NHERF1: variants seen among roughly 807,000 people sequenced by gnomAD.
NHERF1 encodes NHERF family PDZ scaffold protein 1, also known as Na(+)/H(+) exchange regulatory cofactor NHE-RF1.
the NHERF1 span, among the ~76,000 whole-genome samples, chr17:74,759,767 T>G: frequency 3.9e-5 from 6 of 152,354 alleles, no homozygotes; most frequent in African/African-American, 1.4e-4. Flanking sequence ...TGCCCCATTC[T>G]GGACTTGGAT....
At chr17:74,753,034 T>C in the NHERF1 span, among the ~76,000 whole-genome samples, 9 of 152,342 alleles carry the variant, frequency 5.9e-5, no homozygotes, top group South Asian at 6.2e-4. Flanking sequence ...CTACCCACTC[T>C]TCTTTCTTGC....
the NHERF1 span, among the ~76,000 whole-genome samples, chr17:74,750,702 C>G: frequency 1.3e-5 from 2 of 151,706 alleles, no homozygotes; most frequent in East Asian, 1.9e-4. Context: ...TGTGCTGAGT[C>G]CATCGATCGA....
chr17:74,751,815 C>T, the NHERF1 span, among the ~76,000 whole-genome samples: 1 of 152,368 alleles, frequency 6.6e-6, no homozygotes, highest in South Asian at 2.1e-4. This position sits in a 1 kb window ranked among gnomAD's most constrained non-coding sequence, Gnocchi z 4.3. Context: ...GCCGAGCCAG[C>T]TCAGCTGTAC....
the NHERF1 span, chr17:74,763,612 G>A: frequency 7.4e-7 from 1 of 1,344,976 alleles, no homozygotes. Context: ...TCCCAGGCGA[G>A]GGGTGGGCAG....
the NHERF1 span, among the ~76,000 whole-genome samples, chr17:74,752,911 G>A: frequency 6.6e-6 from 1 of 152,234 alleles, no homozygotes; most frequent in Admixed American, 6.5e-5. Flanking sequence ...ATGGTAGGGA[G>A]GCTCTCAAAA....
At chr17:74,765,281 G>A in the NHERF1 span, among the ~76,000 whole-genome samples, 1 of 151,736 alleles carries the variant, frequency 6.6e-6, no homozygotes, top group East Asian at 1.9e-4. Flanking sequence ...TTTTTTTTGA[G>A]ATGGAGTCCT....
chr17:74,764,928 A>C, the NHERF1 span, among the ~76,000 whole-genome samples: 1 of 152,170 alleles, frequency 6.6e-6, no homozygotes, highest in South Asian at 2.1e-4. This position sits in a 1 kb window ranked among gnomAD's most constrained non-coding sequence, Gnocchi z 4.9. Context: ...GGGTGTCAAA[A>C]GGGAGGAGAA....
the NHERF1 span, chr17:74,748,880 C>A: frequency 6.9e-6 from 11 of 1,596,892 alleles, no homozygotes; most frequent in Non-Finnish European, 7.6e-6. The surrounding 1 kb of genome is among the most constrained non-coding windows in gnomAD (Gnocchi z 4.3). Flanking sequence ...GGCGCCCCTG[C>A]CCCGGCTCTG....
chr17:74,748,775 A>C, the NHERF1 span: 1 of 1,338,328 alleles, frequency 7.5e-7, no homozygotes, highest in Non-Finnish European at 1.0e-6. This position sits in a 1 kb window ranked among gnomAD's most constrained non-coding sequence, Gnocchi z 4.3. Context: ...CTGGACGGGA[A>C]GAAGGGCTGG....
At chr17:74,768,287 C>A in the NHERF1 span, 1 of 1,452,958 alleles carries the variant, frequency 6.9e-7, no homozygotes, top group Non-Finnish European at 9.7e-7. Context: ...AGCCGATTCC[C>A]AGGCCCCACT....
At chr17:74,753,252 T>G in the NHERF1 span, among the ~76,000 whole-genome samples, 1 of 152,118 alleles carries the variant, frequency 6.6e-6, no homozygotes, top group Non-Finnish European at 1.5e-5. Context: ...GGTTTGTAAA[T>G]GAAAGTGCTA....
the NHERF1 span, chr17:74,768,660 C>G: frequency 6.2e-7 from 1 of 1,613,058 alleles, no homozygotes; most frequent in Non-Finnish European, 8.5e-7. Context: ...CCTCTGAGCG[C>G]CCTGCTGCCA....
chr17:74,767,486 C>T, the NHERF1 span, among the ~76,000 whole-genome samples: 81 of 152,330 alleles, frequency 5.3e-4, no homozygotes, highest in African/African-American at 1.9e-3. Context: ...CCAAAGCCTT[C>T]GCTCTGGGAC....
the NHERF1 span, among the ~76,000 whole-genome samples, chr17:74,764,860 GA>G: frequency 6.6e-6 from 1 of 152,236 alleles, no homozygotes; most frequent in Non-Finnish European, 1.5e-5. The surrounding 1 kb of genome is among the most constrained non-coding windows in gnomAD (Gnocchi z 4.9). Flanking sequence ...AGCTGATGGG[GA>G]GGGGACAGTG....
the NHERF1 span, chr17:74,763,377 T>G: frequency 1.2e-6 from 2 of 1,613,278 alleles, no homozygotes; most frequent in Non-Finnish European, 1.7e-6. Flanking sequence ...GTGAACGGGG[T>G]CTGCATGGAG....
At chr17:74,749,101 C>G in the NHERF1 span, 1 of 1,583,464 alleles carries the variant, frequency 6.3e-7, no homozygotes, top group Non-Finnish European at 8.6e-7. The surrounding 1 kb of genome is among the most constrained non-coding windows in gnomAD (Gnocchi z 5.6). Flanking sequence ...CACTCAACGC[C>G]GTGCGCCTGC....
At chr17:74,766,872 A>ACCT in the NHERF1 span, 2 of 1,505,892 alleles carry the variant, frequency 1.3e-6, no homozygotes, top group Non-Finnish European at 1.8e-6. Flanking sequence ...CCCAACTCCT[A>ACCT]CCTCCTCTCC....
chr17:74,767,258 G>A, the NHERF1 span, among the ~76,000 whole-genome samples: 6 of 152,214 alleles, frequency 3.9e-5, no homozygotes, highest in African/African-American at 1.4e-4. Context: ...TACAGAAGGG[G>A]CCATTCTTCC....
At chr17:74,749,831 C>G in the NHERF1 span, among the ~76,000 whole-genome samples, 3 of 152,368 alleles carry the variant, frequency 2.0e-5, no homozygotes, top group East Asian at 5.8e-4. This position sits in a 1 kb window ranked among gnomAD's most constrained non-coding sequence, Gnocchi z 5.6. Flanking sequence ...TCCTGAACTT[C>G]AGTCCTGCTG....
Sources: allele counts gnomAD v4.1 joint callset (sites outside exome capture counted in the v4.1 genomes callset), GRCh38; gene constraint gnomAD v4.1.1; non-coding constraint Gnocchi (gnomAD v3.1); transcripts MANE v1.5; gene names NCBI Gene and HGNC (gene_info 2026-07-23, HGNC 2026-07-21).